The following TRAPPC12 variants were observed in gnomAD, a reference collection of about 807,000 sequenced individuals.
The protein encoded by TRAPPC12 is trafficking protein particle complex subunit 12.
TRAPPC12 carries 61 observed loss-of-function variants against 69.2 expected under a neutral mutation model. The observed-to-expected ratio is 0.88, with a 90% CI of 0.72 to 1.09. The LOEUF is 1.09. TRAPPC12 is among the 50% of genes least tolerant of loss of function. The pLI, the probability that TRAPPC12 is intolerant of heterozygous loss-of-function variation, is 0.00. For synonymous variants in TRAPPC12, 469 were observed against 438.9 expected (o/e 1.07, Z -0.86); for missense variants, 1,101 against 1,016.4 (o/e 1.08, Z -1.13).
rs200203888 is a variant in TRAPPC12, at chr2:3,424,629, C to A, written c.1383C>A (p.Tyr461Ter). Residue 461 changes from tyrosine (Y) to a stop codon, truncating the protein, a stop_gained, in exon 5 of 12, where the codon TAC becomes TAA. Coordinates refer to ENST00000324266, the MANE Select transcript of TRAPPC12 (RefSeq NM_016030.6). LOFTEE classifies it high-confidence loss of function. ...FGNLDQPDLYYEYYPHVYPGR... is the reference protein window; with the variant it reads ...FGNLDQPDLY ...ATCTTGATCAGCCAGATCTTTATTA[C>A]GAGTACTACCCGCACGTGTACCCTG... 6.2e-7 allele frequency: 1 copy of A among 1,613,698 alleles called. No individual in the cohort carries two copies. Among genetic ancestry groups the A allele is most frequent in the Admixed American group, 1.7e-5 (1 of 59,892 alleles).
chr2:3,412,839 A>T (rs113766941), intron 3 of TRAPPC12, among the ~76,000 whole-genome samples: 1 of 152,224 alleles, frequency 6.6e-6, no homozygotes, highest in Admixed American at 6.5e-5. Context: ...CACAACTTCA[A>T]TGAAATTAGG....
At chr2:3,410,280 G>A (rs561232236) in intron 3 of TRAPPC12, among the ~76,000 whole-genome samples, 24 of 152,292 alleles carry the variant, frequency 1.6e-4, no homozygotes, top group South Asian at 4.1e-4. Flanking sequence ...GGGAGAAACC[G>A]TAACAAGAGC....
At chr2:3,421,604 T>C (rs1662787472) in intron 3 of TRAPPC12, 2 of 651,866 alleles carry the variant, frequency 3.1e-6, no homozygotes, top group Non-Finnish European at 5.9e-6. Context: ...CTCTTCCCGA[T>C]GTTCTATCGG....
intron 2 of TRAPPC12, among the ~76,000 whole-genome samples, chr2:3,391,729 T>A (rs976125727): frequency 2.0e-5 from 3 of 152,170 alleles, no homozygotes; most frequent in Admixed American, 2.0e-4. Flanking sequence ...TGGGATTGGA[T>A]TTATTTGTCA....
intron 6 of TRAPPC12, 136 bp downstream of exon 6, chr2:3,444,027 G>A: frequency 1.5e-6 from 1 of 648,642 alleles, no homozygotes; most frequent in Non-Finnish European, 2.7e-6. Context: ...AAGGCTAGGT[G>A]ACCCGGTTTG....
chr2:3,475,211 C>T (rs1217526385), intron 9 of TRAPPC12, among the ~76,000 whole-genome samples: 2 of 152,174 alleles, frequency 1.3e-5, no homozygotes, highest in Non-Finnish European at 2.9e-5. Flanking sequence ...CTGCCTTAGC[C>T]TCTCATGTAG....
intron 3 of TRAPPC12, among the ~76,000 whole-genome samples, chr2:3,419,642 CAA>C (rs35364043): frequency 2.0e-4 from 22 of 111,260 alleles, no homozygotes; most frequent in Non-Finnish European, 1.4e-4. Flanking sequence ...TCCTCATTTC[CAA>C]AAAAAAAAAA....
intron 2 of TRAPPC12, among the ~76,000 whole-genome samples, chr2:3,392,437 G>A (rs931072843): frequency 2.6e-5 from 4 of 152,276 alleles, no homozygotes; most frequent in East Asian, 3.9e-4. Context: ...TCCCATGGGC[G>A]TGTTTACCCT....
chr2:3,388,916 T>C, intron 2 of TRAPPC12: 1 of 432,210 alleles, frequency 2.3e-6, no homozygotes, highest in East Asian at 3.7e-5. Flanking sequence ...CAGACAGTTC[T>C]ACCGTAATTC....
intron 9 of TRAPPC12, among the ~76,000 whole-genome samples, chr2:3,473,108 C>T (rs975853638): frequency 7.9e-4 from 120 of 152,206 alleles, no homozygotes; most frequent in African/African-American, 2.7e-3. Context: ...GGCTTCTGCA[C>T]GGATGCAGCC....
intron 7 of TRAPPC12, chr2:3,457,909 C>A (rs1045284957): frequency 3.5e-6 from 5 of 1,409,150 alleles, no homozygotes; most frequent in Non-Finnish European, 4.6e-6. Flanking sequence ...CCGAACCCTG[C>A]GCCCGGGGAG....
At chr2:3,451,311 C>T (rs1319225911) in intron 6 of TRAPPC12, among the ~76,000 whole-genome samples, 3 of 152,194 alleles carry the variant, frequency 2.0e-5, no homozygotes, top group Admixed American at 6.5e-5. Flanking sequence ...GTATCCCCCA[C>T]GGTGGGGCTG....
intron 3 of TRAPPC12, among the ~76,000 whole-genome samples, chr2:3,420,482 TTTAA>T (rs1662715763): frequency 6.6e-6 from 1 of 152,234 alleles, no homozygotes; most frequent in Non-Finnish European, 1.5e-5. Context: ...ATGTATCTTC[TTTAA>T]TTGTCACATC....
intron 3 of TRAPPC12, among the ~76,000 whole-genome samples, chr2:3,404,472 A>G (rs1296304714): frequency 1.3e-5 from 2 of 152,112 alleles, no homozygotes; most frequent in Non-Finnish European, 2.9e-5. Context: ...AGTTTTGCCC[A>G]AAAAGCCTGT....
rs537859013 is a variant in TRAPPC12 at position 3,432,061 on chromosome 2, C to A, written c.1417+7398C>A. On this transcript the variant is annotated intron_variant, in intron 5 of 11. Transcript: ENST00000324266. Reference sequence around the variant, plus strand: ...ACATTCTGCATTAGATTGCTCACTTCAAGTTTCCATGCAACTAGAGGGAAA... The same window carrying A: ...ACATTCTGCATTAGATTGCTCACTTAAAGTTTCCATGCAACTAGAGGGAAA... Among the ~76,000 whole-genome samples the A allele has an allele frequency of 2.6e-5, 4 of 152,334 alleles. No individual in the cohort carries two copies. The South Asian group carries it at 8.3e-4, about 32-fold the overall frequency.
At chr2:3,388,799 G>T in intron 2 of TRAPPC12, 129 bp downstream of exon 2, 4 of 969,456 alleles carry the variant, frequency 4.1e-6, no homozygotes, top group Non-Finnish European at 5.9e-6. Context: ...CCCATTGTGA[G>T]CGCCTGTGTT....
At chr2:3,394,537 C>T (rs922610566) in intron 2 of TRAPPC12, among the ~76,000 whole-genome samples, 4 of 151,890 alleles carry the variant, frequency 2.6e-5, no homozygotes, top group South Asian at 2.1e-4. Flanking sequence ...AGGAGAATCA[C>T]GTGAACCCAG....
intron 3 of TRAPPC12, among the ~76,000 whole-genome samples, chr2:3,413,591 A>G (rs906294638): frequency 2.0e-5 from 3 of 152,214 alleles, no homozygotes; most frequent in African/African-American, 4.8e-5. Flanking sequence ...ATATTTGAGG[A>G]TATAAGAAAG....
At chr2:3,394,892 T>C (rs576611988) in intron 2 of TRAPPC12, among the ~76,000 whole-genome samples, 11 of 152,322 alleles carry the variant, frequency 7.2e-5, no homozygotes, top group Admixed American at 2.0e-4. Context: ...GTGGAACTTA[T>C]TATAAAGAGA....
Sources: allele counts gnomAD v4.1 joint callset (sites outside exome capture counted in the v4.1 genomes callset), GRCh38; gene constraint gnomAD v4.1.1; transcripts MANE v1.5; gene names NCBI Gene and HGNC (gene_info 2026-07-23, HGNC 2026-07-21).